Variants in MYRIP observed in about 807,000 individuals in gnomAD.
The protein encoded by MYRIP is rab effector MyRIP.
Under a neutral mutation model 98.0 loss-of-function variants are expected in MYRIP, and 49 were observed. That is an observed-to-expected ratio of 0.50 (90% CI 0.40 to 0.63). The LOEUF (loss-of-function observed/expected upper bound fraction) is 0.63, where lower values mean the gene tolerates loss of function less well. Ranked by LOEUF, MYRIP falls within the 30% of genes least tolerant of loss-of-function variation. The pLI is 0.00. For synonymous variants in MYRIP, 404 were observed against 409.5 expected, an observed-to-expected ratio of 0.99 and a Z score of 0.16; for missense variants, 1,004 against 1,058.2, an observed-to-expected ratio of 0.95 and a Z score of 0.71.
intron 3 of MYRIP, among the ~76,000 whole-genome samples, chr3:40,144,300 C>A (rs2125565232): frequency 6.6e-6 from 1 of 152,290 alleles, no homozygotes; most frequent in African/African-American, 2.4e-5. Flanking sequence ...AGAAAGGGGG[C>A]ATCTATTACC....
chr3:40,103,521 G>A (rs1948991726), intron 3 of MYRIP, among the ~76,000 whole-genome samples: 1 of 152,244 alleles, frequency 6.6e-6, no homozygotes, highest in Non-Finnish European at 1.5e-5. Flanking sequence ...CACTTTGGGA[G>A]GCCAAGGTGG....
chr3:40,248,575 A>C (rs1330341005), intron 13 of MYRIP: 1 of 152,164 alleles, frequency 6.6e-6, no homozygotes, highest in East Asian at 1.9e-4. Flanking sequence ...GAAACCTGAA[A>C]AATTAGCCCT....
intron 2 of MYRIP, among the ~76,000 whole-genome samples, chr3:39,984,193 G>GTTTATTTTAT (rs71288070): frequency 0.22 from 32,346 of 145,482 alleles, 3,957 homozygotes; most frequent in Middle Eastern, 0.3. Context: ...TGTAAGGAAA[G>GTTTATTTTAT]TTTATTTTAT....
chr3:40,035,822 G>A (rs1425353796), intron 2 of MYRIP, among the ~76,000 whole-genome samples: 3 of 151,938 alleles, frequency 2.0e-5, no homozygotes, highest in Non-Finnish European at 4.4e-5. Flanking sequence ...AGTGGAACAG[G>A]CATATTTAAG....
intron 2 of MYRIP, among the ~76,000 whole-genome samples, chr3:40,015,251 T>TA (rs952352811): frequency 6.6e-6 from 1 of 152,194 alleles, no homozygotes; most frequent in Non-Finnish European, 1.5e-5. Context: ...AGGTTGGGTC[T>TA]AAAAAATATG....
At chr3:39,906,600 A>G (rs528318096) in intron 2 of MYRIP, among the ~76,000 whole-genome samples, 1 of 152,322 alleles carries the variant, frequency 6.6e-6, no homozygotes, top group East Asian at 1.9e-4. Context: ...CTTTTTCCAT[A>G]CCTTTATTCT....
intron 11 of MYRIP, among the ~76,000 whole-genome samples, chr3:40,218,562 C>T (rs1952197383): frequency 1.2e-5 from 1 of 80,984 alleles, no homozygotes; most frequent in Non-Finnish European, 2.4e-5. Context: ...ATGTAATATA[C>T]ATACACACAT....
chr3:39,994,261 C>T (rs748513731), intron 2 of MYRIP, among the ~76,000 whole-genome samples: 3 of 152,252 alleles, frequency 2.0e-5, no homozygotes, highest in Non-Finnish European at 4.4e-5. Context: ...CCGGGAAGTG[C>T]AAGGGGTCAG....
intron 2 of MYRIP, among the ~76,000 whole-genome samples, chr3:39,980,818 TAAG>T (rs1559546815): frequency 9.9e-5 from 15 of 152,164 alleles, no homozygotes; most frequent in Admixed American, 6.5e-5. Flanking sequence ...AAAATATCTA[TAAG>T]TGCCTAGAGT....
chr3:40,219,385 G>A (rs951202205), intron 11 of MYRIP, among the ~76,000 whole-genome samples: 4 of 152,240 alleles, frequency 2.6e-5, no homozygotes, highest in East Asian at 3.9e-4. Flanking sequence ...TGCACAACGT[G>A]CAGGTTTGTT....
In MYRIP at chr3:40,087,056, C is replaced by T. The variant is rs17075543; in HGVS notation, c.332+42785C>T. On this transcript the variant is annotated intron_variant, in intron 3 of 16. Transcript: ENST00000302541. ...TCCTCTCATGCCACTGCTACGTGGGCGAACATATTACCACAGCAACTGTTG... is the reference window on the plus strand; with the variant it reads ...TCCTCTCATGCCACTGCTACGTGGGTGAACATATTACCACAGCAACTGTTG... Among the ~76,000 whole-genome samples the T allele has an allele frequency of 1.2e-3, 184 of 151,980 alleles. 2 individuals carry two copies. The South Asian group carries it at 0.035, about 29-fold the overall frequency.
At chr3:40,134,442 G>A (rs147867761) in intron 3 of MYRIP, among the ~76,000 whole-genome samples, 2,702 of 152,354 alleles carry the variant, frequency 0.018, 72 homozygotes, top group African/African-American at 0.061. Context: ...GCCTCTGTAG[G>A]CTCCACCTCT....
intron 10 of MYRIP, among the ~76,000 whole-genome samples, chr3:40,199,688 C>T (rs1951499825): frequency 6.6e-6 from 1 of 152,206 alleles, no homozygotes; most frequent in African/African-American, 2.4e-5. Flanking sequence ...AATCATTCCC[C>T]TCTGCCCTTC....
At chr3:40,242,425 C>T (rs560769222) in intron 12 of MYRIP, 1 of 149,672 alleles carries the variant, frequency 6.7e-6, no homozygotes, top group African/African-American at 2.5e-5. Context: ...TTAGTGAACA[C>T]AGAGTAAAAC....
chr3:40,061,564 T>C (rs1575505212), intron 3 of MYRIP, among the ~76,000 whole-genome samples: 1 of 152,240 alleles, frequency 6.6e-6, no homozygotes, highest in East Asian at 1.9e-4. Context: ...TGTGTCTTTA[T>C]GGTAGAATGA....
intron 1 of MYRIP, among the ~76,000 whole-genome samples, chr3:39,864,666 A>G (rs4676527): frequency 0.49 from 74,745 of 152,020 alleles, 19,850 homozygotes; most frequent in African/African-American, 0.7. Context: ...CAAACAAATG[A>G]AAAACATTCC....
At position 39,941,286 on chromosome 3, in the gene MYRIP, A is replaced by C. The variant is rs183118592; in HGVS notation, c.110+40360A>C. Among the ~76,000 whole-genome samples the C allele has an allele frequency of 2.0e-5, 3 of 152,242 alleles. No individual in the cohort carries two copies. The East Asian group carries it at 5.8e-4, about 29-fold the overall frequency. The stretch of plus-strand genomic sequence containing the variant: ...GAGATGTCAGGCTCTTTTAGGCACC[A>C]GCTCTTGTATGAACTAATAGAGTAA... On this transcript the variant is annotated intron_variant, in intron 2 of 16. Coordinates refer to ENST00000302541, the MANE Select transcript of MYRIP (RefSeq NM_015460.4).
intron 2 of MYRIP, among the ~76,000 whole-genome samples, chr3:39,973,489 T>C (rs1945656587): frequency 6.6e-6 from 1 of 152,068 alleles, no homozygotes; most frequent in South Asian, 2.1e-4. Context: ...ATTAGACAGA[T>C]CAACGAGACA....
At chr3:40,115,105 T>C (rs1237072685) in intron 3 of MYRIP, among the ~76,000 whole-genome samples, 1 of 152,140 alleles carries the variant, frequency 6.6e-6, no homozygotes, top group Non-Finnish European at 1.5e-5. Context: ...GAAATATCAA[T>C]ATGATAATAT....
Sources: allele counts gnomAD v4.1 joint callset (sites outside exome capture counted in the v4.1 genomes callset), GRCh38; gene constraint gnomAD v4.1.1; transcripts MANE v1.5; gene names NCBI Gene and HGNC (gene_info 2026-07-23, HGNC 2026-07-21).